Variants in KLF12 observed in about 807,000 individuals in gnomAD.
The protein encoded by KLF12 is Krueppel-like factor 12.
In KLF12, 9 loss-of-function variants were observed where a neutral mutation model predicts 37.8. The observed-to-expected ratio is 0.24, with a 90% CI of 0.14 to 0.42. The LOEUF (loss-of-function observed/expected upper bound fraction) is 0.42, where lower values mean the gene tolerates loss of function less well. Among genes scored for constraint, KLF12 ranks in the 10% least tolerant of loss-of-function variants. KLF12 has a pLI of 1.00. For missense variants in KLF12, 411 were observed against 516.0 expected (o/e 0.80, Z 1.97); for synonymous variants, 208 against 202.1 (o/e 1.03, Z -0.25).
At chr13:74,025,316 CAA>C (rs547339290) in intron 1 of KLF12, among the ~76,000 whole-genome samples, 3 of 126,660 alleles carry the variant, frequency 2.4e-5, no homozygotes, top group African/African-American at 5.7e-5. Flanking sequence ...CATAATTCTA[CAA>C]AAAAAAAAAA....
chr13:74,183,526 T>C, the KLF12 span, among the ~76,000 whole-genome samples: 1 of 152,222 alleles, frequency 6.6e-6, no homozygotes, highest in Non-Finnish European at 1.5e-5. Flanking sequence ...GAATTTTTTT[T>C]TCTGGTTATG....
At chr13:73,699,567 C>T (rs372722389) in intron 7 of KLF12, among the ~76,000 whole-genome samples, 63 of 152,290 alleles carry the variant, frequency 4.1e-4, no homozygotes, top group African/African-American at 1.5e-3. Context: ...CTCCATACTT[C>T]ACCTGGTAAC....
intron 5 of KLF12, among the ~76,000 whole-genome samples, chr13:73,784,506 G>A (rs866582974): frequency 1.4e-5 from 2 of 146,056 alleles, no homozygotes; most frequent in South Asian, 2.2e-4. Context: ...CTTCAGTAAC[G>A]AGCCTTGCTG....
intron 4 of KLF12, among the ~76,000 whole-genome samples, chr13:73,826,362 T>C (rs1014872762): frequency 1.3e-5 from 2 of 152,200 alleles, no homozygotes; most frequent in Admixed American, 6.6e-5. Context: ...CATCCAACTA[T>C]TCTTCATATA....
At chr13:74,258,056 G>T in the KLF12 span, 1 of 152,016 alleles carries the variant, frequency 6.6e-6, no homozygotes, top group African/African-American at 2.4e-5. Context: ...AGGAGGACAA[G>T]TTTTTGAATG....
chr13:74,061,602 C>T (rs1427729223), intron 1 of KLF12, among the ~76,000 whole-genome samples: 2 of 152,094 alleles, frequency 1.3e-5, no homozygotes, highest in Non-Finnish European at 2.9e-5. Flanking sequence ...AAAACAATCC[C>T]AATGATGTCC....
chr13:74,219,614 A>T, the KLF12 span, among the ~76,000 whole-genome samples: 1 of 152,224 alleles, frequency 6.6e-6, no homozygotes, highest in Non-Finnish European at 1.5e-5. Flanking sequence ...TTTAGAAAAA[A>T]GTTTAAAAAA....
At chr13:74,265,290 C>T in the KLF12 span, among the ~76,000 whole-genome samples, 3 of 152,116 alleles carry the variant, frequency 2.0e-5, no homozygotes, top group Admixed American at 6.5e-5. Flanking sequence ...GGCACTTAAC[C>T]TCCAGAGGCC....
At chr13:73,891,516 T>C (rs1262617598) in intron 3 of KLF12, among the ~76,000 whole-genome samples, 2 of 152,046 alleles carry the variant, frequency 1.3e-5, no homozygotes, top group East Asian at 1.9e-4. Flanking sequence ...GAAATGAAGG[T>C]CCAGAAATAC....
intron 2 of KLF12, among the ~76,000 whole-genome samples, chr13:73,953,680 T>G (rs981542869): frequency 6.6e-6 from 1 of 152,206 alleles, no homozygotes; most frequent in Non-Finnish European, 1.5e-5. Flanking sequence ...CCTTTTCTTG[T>G]GTACAATGAT....
intron 1 of KLF12, among the ~76,000 whole-genome samples, chr13:74,002,917 A>C (rs939904577): frequency 6.6e-6 from 1 of 152,246 alleles, no homozygotes; most frequent in African/African-American, 2.4e-5. Context: ...CTCACAGTCA[A>C]CAAAGGTGGG....
intron 1 of KLF12, among the ~76,000 whole-genome samples, chr13:74,132,272 A>T (rs926932372): frequency 6.6e-5 from 10 of 152,198 alleles, no homozygotes; most frequent in Admixed American, 1.3e-4. Flanking sequence ...ATTTCAAAGC[A>T]TTTACTTATC....
intron 1 of KLF12, among the ~76,000 whole-genome samples, chr13:74,125,176 C>T (rs1432148689): frequency 6.6e-6 from 1 of 151,160 alleles, no homozygotes; most frequent in African/African-American, 2.4e-5. Flanking sequence ...TACACACACA[C>T]ACACACACAC....
intron 3 of KLF12, among the ~76,000 whole-genome samples, chr13:73,891,749 G>A (rs1170674266): frequency 6.6e-6 from 1 of 152,092 alleles, no homozygotes; most frequent in Admixed American, 6.5e-5. Context: ...TGCATATGCA[G>A]ATGACAAGAA....
chr13:73,772,519 GA>G (rs1270854484), intron 5 of KLF12, among the ~76,000 whole-genome samples: 1 of 152,234 alleles, frequency 6.6e-6, no homozygotes, highest in African/African-American at 2.4e-5. Flanking sequence ...CTCAGATGTG[GA>G]AAAGGAAAGG....
the KLF12 span, among the ~76,000 whole-genome samples, chr13:74,255,655 G>A: frequency 6.6e-6 from 1 of 152,122 alleles, no homozygotes; most frequent in Admixed American, 6.5e-5. Context: ...TTAAAATTGT[G>A]TCTCTAGCCT....
At chr13:73,890,738 C>T (rs1424516458) in intron 3 of KLF12, among the ~76,000 whole-genome samples, 1 of 151,916 alleles carries the variant, frequency 6.6e-6, no homozygotes, top group Admixed American at 6.6e-5. Context: ...ATAAAAGATT[C>T]CAGTCAATCT....
intron 3 of KLF12, among the ~76,000 whole-genome samples, chr13:73,892,532 G>A (rs1321734459): frequency 1.3e-5 from 2 of 152,006 alleles, no homozygotes; most frequent in East Asian, 3.8e-4. Context: ...AAAAACCATG[G>A]CCAAAACAAA....
intron 2 of KLF12, among the ~76,000 whole-genome samples, chr13:73,957,069 AG>A (rs773085337): frequency 7.4e-5 from 10 of 135,114 alleles, no homozygotes; most frequent in East Asian, 4.7e-4. Flanking sequence ...AGGAAAGGAA[AG>A]GAAAGGAAAG....
Sources: allele counts gnomAD v4.1 joint callset (sites outside exome capture counted in the v4.1 genomes callset), GRCh38; gene constraint gnomAD v4.1.1; transcripts MANE v1.5; gene names NCBI Gene and HGNC (gene_info 2026-07-23, HGNC 2026-07-21).